The following KIRREL3 variants were observed in gnomAD, a reference collection of about 807,000 sequenced individuals.
KIRREL3 encodes the protein kirre like nephrin family adhesion molecule 3, also known as kin of IRRE-like protein 3.
Under a neutral mutation model 89.7 loss-of-function variants are expected in KIRREL3, and 36 were observed. The observed-to-expected ratio is 0.40, with a 90% CI of 0.31 to 0.53. The LOEUF (loss-of-function observed/expected upper bound fraction) is 0.53. Ranked by LOEUF, KIRREL3 falls within the 20% of genes least tolerant of loss-of-function variation. KIRREL3 has a pLI of 0.49. For missense variants in KIRREL3, 864 were observed against 1,056.6 expected (o/e 0.82, Z 2.53); for synonymous variants, 445 against 441.4 (o/e 1.01, Z -0.10).
rs532346666 is a variant in KIRREL3, at chr11:126,877,500, A to G, written c.55+122955T>C. 6.6e-6 allele frequency among the ~76,000 whole-genome samples: 1 copy of G among 152,312 alleles called. No individual in the cohort carries two copies. The highest frequency in any genetic ancestry group is 2.1e-4 in the South Asian group (1 of 4,828). On this transcript the variant is annotated intron_variant, in intron 1 of 16. Transcript: ENST00000525144. This position sits in a 1 kb window ranked among gnomAD's most constrained non-coding sequence, Gnocchi z 4.9. ...CCTCCACTCACTCACTTCCCTCCCC[A>G]ACTTCCCATCCACACCTATATGGAC...
At chr11:126,479,056 G>A (rs1405528220) in intron 4 of KIRREL3, among the ~76,000 whole-genome samples, 1 of 152,198 alleles carries the variant, frequency 6.6e-6, no homozygotes, top group Non-Finnish European at 1.5e-5. Flanking sequence ...ATGGGAGAGG[G>A]CGGCAGGCCG....
At position 126,752,455 on chromosome 11, in the gene KIRREL3, A is replaced by T. The variant is rs1357932058; in HGVS notation, c.56-189543T>A. Among the ~76,000 whole-genome samples the T allele has an allele frequency of 1.3e-5, 2 of 152,246 alleles. No individual in the cohort carries two copies. The highest frequency in any genetic ancestry group is 4.8e-5 in the African/African-American group (2 of 41,462). The stretch of plus-strand genomic sequence containing the variant: ...TAGCTATGGAATTAACATTATCATT[A>T]CAGTGCTAATAATAATAATTGCATA... On this transcript the variant is annotated intron_variant, in intron 1 of 16. Transcript: ENST00000525144. This position sits in a 1 kb window ranked among gnomAD's most constrained non-coding sequence, Gnocchi z 4.8.
intron 1 of KIRREL3, among the ~76,000 whole-genome samples, chr11:126,785,843 C>T (rs1950470874): frequency 7.3e-6 from 1 of 136,382 alleles, no homozygotes; most frequent in Non-Finnish European, 1.5e-5. Context: ...CACTGCACTC[C>T]AGCCTGGTGA....
chr11:126,658,755 C>T (rs989013404), intron 1 of KIRREL3, among the ~76,000 whole-genome samples: 8 of 152,174 alleles, frequency 5.3e-5, no homozygotes, highest in African/African-American at 9.7e-5. Context: ...CCTGCTCCTC[C>T]GCCAGACCCT....
At chr11:126,446,260 C>T (rs1345508541) in intron 9 of KIRREL3, among the ~76,000 whole-genome samples, 4 of 101,630 alleles carry the variant, frequency 3.9e-5, no homozygotes, top group African/African-American at 1.6e-4. Context: ...TCTTTCTTTT[C>T]TTTCTCTCTC....
chr11:126,899,146 C>T (rs948698057), intron 1 of KIRREL3, among the ~76,000 whole-genome samples: 8 of 151,918 alleles, frequency 5.3e-5, no homozygotes, highest in Non-Finnish European at 7.4e-5. Context: ...AGATGCACTA[C>T]GATCTTGTAA....
chr11:126,526,547 C>T lies in KIRREL3; in HGVS notation c.274G>A (p.Asp92Asn), dbSNP rs1591679952. Residue 92 changes from aspartate (D) to asparagine (N), a missense_variant, in exon 3 of 17, where the codon GAC becomes AAC. By Grantham distance (23) the Asp-to-Asn change is conservative. Transcript: ENST00000525144. This position sits in a 1 kb window ranked among gnomAD's most constrained non-coding sequence, Gnocchi z 5.7. ...GTCTGGAGGTACTCACTTGAGAGGT[C>T]CCTGCCCACACCCAGAGCCAAGCCG... ...KDGLALGVGR[D>N]LSSYPQYLVV... The T allele has an allele frequency of 3.1e-6, 5 of 1,613,098 alleles. No homozygotes were observed. The East Asian group carries it at 1.1e-4, about 36-fold the overall frequency.
chr11:126,605,628 G>A lies in KIRREL3; in HGVS notation c.56-42716C>T, dbSNP rs1029803881. Among the ~76,000 whole-genome samples the A allele has an allele frequency of 1.3e-5, 2 of 152,222 alleles. No homozygotes were observed. Among genetic ancestry groups the A allele is most frequent in the Non-Finnish European group, 2.9e-5 (2 of 68,042 alleles). ...GGCGCGTTTTAATAATGTCTACTTG[G>A]GTTAATGAAAGTTGTCGGTTTCACT... is the stretch of plus-strand genomic sequence containing the variant. On this transcript the variant is annotated intron_variant, in intron 1 of 16. Coordinates refer to ENST00000525144, the MANE Select transcript of KIRREL3 (RefSeq NM_032531.4). The surrounding 1 kb of genome is among the most constrained non-coding windows in gnomAD (Gnocchi z 5.7).
In KIRREL3 at chr11:126,424,599, C is replaced by A; in HGVS notation, c.2318G>T (p.Arg773Leu). 1 of 1,613,876 alleles carries A rather than the reference C, an allele frequency of 6.2e-7. No homozygotes were observed. Among genetic ancestry groups the A allele is most frequent in the Non-Finnish European group, 8.5e-7 (1 of 1,179,852 alleles). ...NSDPSRPLQR[R>L]MQTHV ...TGATCCTTAGACGTGAGTCTGCATC[C>A]GCCGCTGCAGGGGTCGACTGGGGTC... Residue 773 changes from arginine (R) to leucine (L), a missense_variant, in exon 17 of 17, where the codon CGG becomes CTG. Transcript: ENST00000525144.
intron 4 of KIRREL3, among the ~76,000 whole-genome samples, chr11:126,517,718 T>C (rs2134418222): frequency 6.6e-6 from 1 of 152,354 alleles, no homozygotes; most frequent in African/African-American, 2.4e-5. Flanking sequence ...GTACAGCATG[T>C]TGGACTCCTT....
chr11:126,888,169 T>A (rs1263889813), intron 1 of KIRREL3, among the ~76,000 whole-genome samples: 2 of 152,198 alleles, frequency 1.3e-5, no homozygotes, highest in Non-Finnish European at 2.9e-5. Context: ...AGGTGTGTGA[T>A]CAAGTGGGCT....
rs888548951 is a variant in KIRREL3, at chr11:126,551,469, C to T, written c.133+11366G>A. On this transcript the variant is annotated intron_variant, in intron 2 of 16. Coordinates refer to ENST00000525144, the MANE Select transcript of KIRREL3 (RefSeq NM_032531.4). The surrounding 1 kb of genome is among the most constrained non-coding windows in gnomAD (Gnocchi z 4.9). ...ATGAGCCGGGAACCGTGGATGAAAT[C>T]CCCCCACCCCATGCGCCTCTATATA... 6.6e-6 allele frequency among the ~76,000 whole-genome samples: 1 copy of T among 152,084 alleles called. No individual in the cohort carries two copies. Among genetic ancestry groups the T allele is most frequent in the Non-Finnish European group, 1.5e-5 (1 of 68,030 alleles).
In KIRREL3 at chr11:126,612,087, T is replaced by C. The variant is rs1943156711; in HGVS notation, c.56-49175A>G. 6.6e-6 allele frequency among the ~76,000 whole-genome samples: 1 copy of C among 152,200 alleles called. No homozygotes were observed. The highest frequency in any genetic ancestry group is 6.5e-5 in the Admixed American group (1 of 15,288). On this transcript the variant is annotated intron_variant, in intron 1 of 16. Transcript: ENST00000525144. This position sits in a 1 kb window ranked among gnomAD's most constrained non-coding sequence, Gnocchi z 4.5. ...ATGGACTTACGCAGTTGGGTGTGTA[T>C]TTGGTAACCTGTCTTCCTCCTGCTG...
chr11:126,691,898 C>T (rs1463846685), intron 1 of KIRREL3, among the ~76,000 whole-genome samples: 2 of 152,004 alleles, frequency 1.3e-5, no homozygotes, highest in Non-Finnish European at 2.9e-5. Flanking sequence ...TACAAATGGC[C>T]AAGAAGCATA....
At chr11:126,848,827 C>G (rs1190397110) in intron 1 of KIRREL3, among the ~76,000 whole-genome samples, 1 of 152,174 alleles carries the variant, frequency 6.6e-6, no homozygotes, top group African/African-American at 2.4e-5. Context: ...TGACTGAGCT[C>G]CTCTCTACCC....
chr11:126,639,563 C>G lies in KIRREL3; in HGVS notation c.56-76651G>C, dbSNP rs1392976996. Among the ~76,000 whole-genome samples the G allele has an allele frequency of 6.6e-6, 1 of 152,224 alleles. No individual in the cohort carries two copies. The highest frequency in any genetic ancestry group is 1.9e-4 in the East Asian group (1 of 5,206). On this transcript the variant is annotated intron_variant, in intron 1 of 16. Transcript: ENST00000525144. This position sits in a 1 kb window ranked among gnomAD's most constrained non-coding sequence, Gnocchi z 4.3. ...ACCAACCACCAATTGCATCCCAGGA[C>G]AGTTGCTGAAAGTCTCAGGGCTCTG...
rs1398916252 is a variant in KIRREL3 at position 126,734,654 on chromosome 11, C to T, written c.56-171742G>A. Reference sequence around the variant, plus strand: ...CAGCCTGGGCAACAAGAGTGAAACTCTGTCTCAAAAGAAAAAAAAAAAGAA... The same window carrying T: ...CAGCCTGGGCAACAAGAGTGAAACTTTGTCTCAAAAGAAAAAAAAAAAGAA... On this transcript the variant is annotated intron_variant, in intron 1 of 16. Transcript: ENST00000525144. The surrounding 1 kb of genome is among the most constrained non-coding windows in gnomAD (Gnocchi z 5.9). Among the ~76,000 whole-genome samples the T allele has an allele frequency of 1.3e-5, 2 of 151,388 alleles. No individual in the cohort carries two copies. The highest frequency in any genetic ancestry group is 4.9e-5 in the African/African-American group (2 of 41,076).
At chr11:126,929,136 G>T (rs189749662) in intron 1 of KIRREL3, among the ~76,000 whole-genome samples, 3 of 152,196 alleles carry the variant, frequency 2.0e-5, no homozygotes, top group Non-Finnish European at 4.4e-5. Flanking sequence ...ACTGAGCGTG[G>T]TCAGAGGGAG....
intron 1 of KIRREL3, among the ~76,000 whole-genome samples, chr11:126,692,572 A>AAT (rs1555176685): frequency 1.1e-4 from 16 of 148,036 alleles, no homozygotes; most frequent in African/African-American, 3.6e-4. Flanking sequence ...AAAAAAAAAA[A>AAT]GGAGGTGGAA....
Sources: gnomAD v4.1 joint callset for allele counts (sites outside exome capture counted in the v4.1 genomes callset) on GRCh38, gnomAD v4.1.1 for gene constraint, Gnocchi (gnomAD v3.1) non-coding constraint, MANE v1.5 for transcripts, NCBI Gene and HGNC (gene_info 2026-07-23, HGNC 2026-07-21) for gene names.